SLC8A1: variants seen among roughly 807,000 people sequenced by gnomAD.
SLC8A1 encodes the protein solute carrier family 8 member A1, also known as sodium/calcium exchanger 1.
Under a neutral mutation model 68.3 loss-of-function variants are expected in SLC8A1, and 18 were observed. The observed-to-expected ratio is 0.26, with a 90% CI of 0.18 to 0.39. The LOEUF is 0.39. Ranked by LOEUF, SLC8A1 falls within the 10% of genes least tolerant of loss-of-function variation. The pLI, the probability that SLC8A1 is intolerant of heterozygous loss-of-function variation, is 1.00. For synonymous variants in SLC8A1, 475 were observed against 415.5 expected, an observed-to-expected ratio of 1.14 and a Z score of -1.74; for missense variants, 985 against 1,156.7, an observed-to-expected ratio of 0.85 and a Z score of 2.15.
chr2:40,254,712 T>TATCAGATCC (rs1021780192), intron 2 of SLC8A1: 2 of 152,214 alleles, frequency 1.3e-5, no homozygotes, highest in African/African-American at 4.8e-5. Context: ...ACTGGTCAAT[T>TATCAGATCC]ATCAGATCCA....
rs2047268678 is a variant in SLC8A1, at chr2:40,170,422, G to A, written c.1930+4403C>T. On this transcript the variant is annotated intron_variant, in intron 4 of 7. Transcript: ENST00000406785. The stretch of plus-strand genomic sequence containing the variant: ...TTGCTATCAGAGCTTTGTGGAATTA[G>A]TAAGCTAAACATCACACCCAGATGC... The A allele has an allele frequency of 7.6e-6, 10 of 1,323,646 alleles. No individual in the cohort carries two copies. In the South Asian group the frequency reaches 1.2e-4, roughly 16 times the overall value. The allele number at this position is 1,323,646 out of a possible 1,614,324, so 82.0% of individuals were successfully genotyped here. A position where few individuals can be genotyped will look rare whatever the true frequency, so the allele number is the denominator to read the frequency against.
chr2:40,108,930 T>G (rs2034391836), exon 8 of SLC8A1: 2 of 152,136 alleles, frequency 1.3e-5, no homozygotes, highest in Non-Finnish European at 2.9e-5. Flanking sequence ...AAAAGAAGGT[T>G]GGGAATGTAA....
chr2:40,318,823 C>A (rs1408299012), intron 2 of SLC8A1, among the ~76,000 whole-genome samples: 1 of 152,144 alleles, frequency 6.6e-6, no homozygotes, highest in African/African-American at 2.4e-5. Context: ...CAAGTGCCTA[C>A]TGTGTGCAAC....
At position 40,489,397 on chromosome 2, in the gene SLC8A1, A is replaced by G. The variant is rs577195561; in HGVS notation, c.-25+22952T>C. On this transcript the variant is annotated intron_variant, in intron 1 of 7. Transcript: ENST00000402441. ...ATAGACGAGGTACAATATCAAAAAT[A>G]GACTCCACACAAAGCAGGGTGCAAG... 3.9e-5 allele frequency among the ~76,000 whole-genome samples: 6 copies of G among 152,210 alleles called. No homozygotes were observed. The South Asian group carries it at 1.0e-3, about 26-fold the overall frequency.
At chr2:40,244,843 G>T (rs1427026208) in intron 2 of SLC8A1, among the ~76,000 whole-genome samples, 1 of 152,160 alleles carries the variant, frequency 6.6e-6, no homozygotes, top group Non-Finnish European at 1.5e-5. Flanking sequence ...GGAAAGGGTT[G>T]CTGGAGTCCC....
chr2:40,395,442 T>C (rs778146706), intron 2 of SLC8A1, among the ~76,000 whole-genome samples: 33 of 152,134 alleles, frequency 2.2e-4, no homozygotes, highest in Non-Finnish European at 4.0e-4. Context: ...ACTGGCACTC[T>C]TAGTCAGGAC....
At chr2:40,508,455 AAT>A (rs774630679) in intron 1 of SLC8A1, among the ~76,000 whole-genome samples, 1 of 152,056 alleles carries the variant, frequency 6.6e-6, no homozygotes, top group Non-Finnish European at 1.5e-5. Flanking sequence ...ATGCTCTTTC[AAT>A]ATGTCTGTTT....
At chr2:40,374,063 T>C (rs1180112749) in intron 2 of SLC8A1, among the ~76,000 whole-genome samples, 2 of 152,060 alleles carry the variant, frequency 1.3e-5, no homozygotes, top group Non-Finnish European at 2.9e-5. Context: ...GACTTTTCCA[T>C]CCTCAGAGCA....
intron 1 of SLC8A1, among the ~76,000 whole-genome samples, chr2:40,471,330 T>C (rs961177655): frequency 2.6e-5 from 4 of 152,024 alleles, no homozygotes; most frequent in African/African-American, 9.7e-5. Context: ...CTCAGCTGCA[T>C]TTCCTTCTTT....
At chr2:40,363,382 C>G (rs755280886) in intron 2 of SLC8A1, among the ~76,000 whole-genome samples, 4 of 151,998 alleles carry the variant, frequency 2.6e-5, no homozygotes, top group Non-Finnish European at 5.9e-5. Context: ...TTTACTTAAA[C>G]AGTTATTTTG....
At chr2:40,389,017 AATAC>A (rs745853315) in intron 2 of SLC8A1, among the ~76,000 whole-genome samples, 1 of 152,112 alleles carries the variant, frequency 6.6e-6, no homozygotes, top group Non-Finnish European at 1.5e-5. Flanking sequence ...TGTGTATATA[AATAC>A]ATACGTATAT....
chr2:40,231,912 C>T (rs1391064178), intron 2 of SLC8A1, among the ~76,000 whole-genome samples: 1 of 152,088 alleles, frequency 6.6e-6, no homozygotes, highest in Non-Finnish European at 1.5e-5. Flanking sequence ...CTGGACTGGC[C>T]TGGGATACCT....
intron 2 of SLC8A1, among the ~76,000 whole-genome samples, chr2:40,200,253 T>TATAA (rs1553408043): frequency 8.5e-5 from 3 of 35,110 alleles, no homozygotes; most frequent in Non-Finnish European, 2.5e-4. Flanking sequence ...TATATATATA[T>TATAA]ATATATATAT....
At chr2:40,104,094 G>T (rs2034057738) in exon 8 of SLC8A1, 1 of 152,178 alleles carries the variant, frequency 6.6e-6, no homozygotes, top group South Asian at 2.1e-4. Context: ...AAAGAGAAAA[G>T]CCTTTGGGTC....
At chr2:40,273,092 G>A (rs1008668025) in intron 2 of SLC8A1, among the ~76,000 whole-genome samples, 9 of 151,966 alleles carry the variant, frequency 5.9e-5, no homozygotes, top group Non-Finnish European at 1.0e-4. Flanking sequence ...ACAGGCGCGC[G>A]CCACCAAGTC....
At chr2:40,436,897 C>A (rs1048275912) in intron 1 of SLC8A1, among the ~76,000 whole-genome samples, 1 of 152,094 alleles carries the variant, frequency 6.6e-6, no homozygotes, top group Non-Finnish European at 1.5e-5. Flanking sequence ...TCCTCTAATT[C>A]ATTATGCCAG....
chr2:40,484,354 A>G (rs1414016958), intron 1 of SLC8A1, among the ~76,000 whole-genome samples: 1 of 152,188 alleles, frequency 6.6e-6, no homozygotes, highest in Admixed American at 6.5e-5. Flanking sequence ...AAGCTTTAGC[A>G]CCCAGGGATC....
At chr2:40,459,251 T>C (rs1703198546) in intron 1 of SLC8A1, among the ~76,000 whole-genome samples, 1 of 152,172 alleles carries the variant, frequency 6.6e-6, no homozygotes, top group Non-Finnish European at 1.5e-5. Flanking sequence ...TAGAAAGGTT[T>C]AGGGAAAGTA....
intron 2 of SLC8A1, among the ~76,000 whole-genome samples, chr2:40,207,660 G>T (rs985382852): frequency 6.6e-6 from 1 of 151,872 alleles, no homozygotes; most frequent in East Asian, 1.9e-4. Context: ...AAAAAATATG[G>T]GCATAATGTC....
Sources: gnomAD v4.1 joint callset for allele counts (sites outside exome capture counted in the v4.1 genomes callset) on GRCh38, gnomAD v4.1.1 for gene constraint, MANE v1.5 for transcripts, NCBI Gene and HGNC (gene_info 2026-07-23, HGNC 2026-07-21) for gene names.